OTOGL: variants seen among roughly 807,000 people sequenced by gnomAD.
OTOGL encodes otogelin-like protein.
OTOGL carries 285 observed loss-of-function variants against 318.5 expected under a neutral mutation model. The ratio of observed to expected loss-of-function variants is 0.89; its 90% CI spans 0.81 to 0.99. OTOGL has a LOEUF of 0.99. OTOGL is among the 50% of genes least tolerant of loss of function. The pLI, the probability that OTOGL is intolerant of heterozygous loss-of-function variation, is 0.00. For synonymous variants in OTOGL, 987 were observed against 936.5 expected (o/e 1.05, Z -0.99); for missense variants, 2,899 against 2,845.6 (o/e 1.02, Z -0.43).
intron 44 of OTOGL, among the ~76,000 whole-genome samples, chr12:80,347,671 G>T (rs537338721): frequency 2.0e-5 from 3 of 152,004 alleles, no homozygotes; most frequent in African/African-American, 7.2e-5. Flanking sequence ...TGGTATTTCT[G>T]GTTCTAGATC....
intron 1 of OTOGL, among the ~76,000 whole-genome samples, chr12:80,154,674 T>C (rs550478349): frequency 8.3e-4 from 126 of 152,338 alleles, no homozygotes; most frequent in Non-Finnish European, 1.6e-3. Flanking sequence ...ATATACTATA[T>C]TAATTCATTC....
chr12:80,282,382 G>C (rs1406256040), intron 26 of OTOGL, among the ~76,000 whole-genome samples: 1 of 151,772 alleles, frequency 6.6e-6, no homozygotes, highest in Non-Finnish European at 1.5e-5. Context: ...CTTAAGGAAG[G>C]TTCTTGCTTA....
Position 80,328,738 on chromosome 12 carries a change from C to T in OTOGL, c.4273C>T (p.Arg1425Ter), listed in dbSNP as rs564117765. ...GGTCACCCTCAAGTGTGTTTATCCA[C>T]GAGACTGTAAGTGTGAACGTTGCTT... ...DEVTLKCVYP[R>*]DCIPVIPTEP... Residue 1425 changes from arginine (R) to a stop codon, truncating the protein, a stop_gained, in exon 36 of 59, where the codon CGA (arginine) becomes TGA (stop). Transcript: ENST00000547103. LOFTEE classifies it high-confidence loss of function. 5.0e-6 allele frequency: 8 copies of T among 1,594,066 alleles called. No homozygotes were observed. Among genetic ancestry groups the T allele is most frequent in the African/African-American group, 2.7e-5 (2 of 74,400 alleles).
chr12:80,239,472 T>A (rs757330366), intron 11 of OTOGL, 33 bp downstream of exon 11: 1 of 1,458,676 alleles, frequency 6.9e-7, no homozygotes, highest in Non-Finnish European at 9.3e-7. Flanking sequence ...GTAATAAAAT[T>A]TTCTTTATGC....
At chr12:80,171,556 C>T (rs1874207365) in intron 1 of OTOGL, among the ~76,000 whole-genome samples, 1 of 152,098 alleles carries the variant, frequency 6.6e-6, no homozygotes, top group South Asian at 2.1e-4. Flanking sequence ...TAATACCATA[C>T]TGTTTTGATC....
chr12:80,364,766 T>C (rs1231493734), intron 52 of OTOGL, among the ~76,000 whole-genome samples: 1 of 152,140 alleles, frequency 6.6e-6, no homozygotes, highest in Non-Finnish European at 1.5e-5. Flanking sequence ...TTGTTGTTAA[T>C]AATATTCCAT....
intron 11 of OTOGL, among the ~76,000 whole-genome samples, chr12:80,250,096 C>T (rs12302203): frequency 0.046 from 6,966 of 152,046 alleles, 543 homozygotes; most frequent in African/African-American, 0.16. Context: ...CCCGGTACCT[C>T]AGATGGAAAT....
intron 1 of OTOGL, among the ~76,000 whole-genome samples, chr12:80,155,515 A>G (rs956699525): frequency 3.3e-5 from 5 of 152,184 alleles, no homozygotes; most frequent in African/African-American, 1.2e-4. Context: ...ATTGCAAGAG[A>G]TAGGGTACAT....
At chr12:80,278,920 A>G (rs1884005426) in intron 25 of OTOGL, 108 bp from the exon 26 acceptor site, 1 of 1,285,556 alleles carries the variant, frequency 7.8e-7, no homozygotes, top group Admixed American at 1.9e-5. Context: ...CGTAAGGGAT[A>G]TTGACTCATG....
In OTOGL at chr12:80,112,705, C is replaced by CTTTTTTTTTTT. The variant is rs546093754; in HGVS notation, c.-20+13103_-20+13104insTTTTTTTTTTT. On this transcript the variant is annotated intron_variant, in intron 1 of 58. Transcript: ENST00000547103. ...ATTAGGGATATTTGCCTGAAATTTTCTTTCTTTTTTTTTTTTTTGTTGTGT... is the reference window on the plus strand; with the variant it reads ...ATTAGGGATATTTGCCTGAAATTTTCTTTTTTTTTTTTTTCTTTTTTTTTTTTTTGTTGTGT... Among the ~76,000 whole-genome samples the CTTTTTTTTTTT allele has an allele frequency of 1.1e-4, 14 of 128,660 alleles. 1 individual carries two copies. Among genetic ancestry groups the CTTTTTTTTTTT allele is most frequent in the Non-Finnish European group, 1.8e-4 (11 of 61,200 alleles). The allele number at this position is 128,660 out of a possible 152,430, so 84.4% of individuals were successfully genotyped here. A position where few individuals can be genotyped will look rare whatever the true frequency, so the allele number is the denominator to read the frequency against.
Position 80,377,158 on chromosome 12 carries a change from A to G in OTOGL, c.6817A>G (p.Ile2273Val). ...AGAAAGAATATGCCAGAAAGTGATC[A>G]TTAAATCGGTCATAAGGAAACAGGA... Reference protein sequence around the residue: ...REERICQKVIIKSVIRKQDCM... With the variant: ...REERICQKVIVKSVIRKQDCM... Residue 2273 changes from isoleucine to valine, a missense_variant, in exon 58 of 59, where the codon ATT becomes GTT. This residue lies in a region of OTOGL where 289 missense variants were observed against 304.6 expected (regional missense o/e 0.95). Coordinates refer to ENST00000547103, the MANE Select transcript of OTOGL (RefSeq NM_001378609.3). The G allele has an allele frequency of 6.2e-7, 1 of 1,610,242 alleles. No homozygotes were observed. Among genetic ancestry groups the G allele is most frequent in the East Asian group, 2.2e-5 (1 of 44,704 alleles).
intron 26 of OTOGL, among the ~76,000 whole-genome samples, chr12:80,290,670 A>G (rs1167606038): frequency 6.6e-6 from 1 of 152,136 alleles, no homozygotes; most frequent in East Asian, 1.9e-4. Flanking sequence ...CATTTTGTAT[A>G]TGGAAAAAAT....
Position 80,265,925 on chromosome 12 carries a change from T to A in OTOGL, c.2225-526T>A, listed in dbSNP as rs184807206. 3.3e-3 allele frequency: 503 copies of A among 152,744 alleles called. 3 individuals are homozygous for A. The highest frequency in any genetic ancestry group is 0.014 in the Middle Eastern group (4 of 292). 9.5% of individuals were successfully genotyped at this position (152,744 alleles called of 1,614,324 possible). A position where few individuals can be genotyped will look rare whatever the true frequency, so the allele number is the denominator to read the frequency against. On this transcript the variant is annotated intron_variant, in intron 20 of 58. Transcript: ENST00000547103. Reference sequence around the variant, plus strand: ...TCATATACCAAATTTGTTTAAGATATCAACCTAGGATTTTAATTTCTTAGA... The same window carrying A: ...TCATATACCAAATTTGTTTAAGATAACAACCTAGGATTTTAATTTCTTAGA...
chr12:80,257,984 A>G lies in OTOGL; in HGVS notation c.1871A>G (p.Asn624Ser), dbSNP rs750590177. Reference protein sequence around the residue: ...TLGLCGTFNGNIRDDFLSPSG... With the variant: ...TLGLCGTFNGSIRDDFLSPSG... ...GGTCTGTGTGGCACTTTTAATGGCA[A>G]CATAAGGGATGATTTTCTGTAAGTA... Residue 624 changes from asparagine to serine, a missense_variant, in exon 18 of 59, where the codon AAC (asparagine) becomes AGC (serine). By Grantham distance (46) the Asn-to-Ser change is conservative. This residue lies in a region of OTOGL where 2,607 missense variants were observed against 2,524.9 expected (regional missense o/e 1.03). Transcript: ENST00000547103. 7.6e-6 allele frequency: 12 copies of G among 1,584,454 alleles called. No homozygotes were observed. The highest frequency in any genetic ancestry group is 7.2e-5 in the Admixed American group (4 of 55,558).
Position 80,339,187 on chromosome 12 carries a change from G to T in OTOGL, c.4973G>T (p.Trp1658Leu). ...ACTCCAGCTGGACTAATCATAAAGT[G>T]GTCTCATCTTACAGGAATCATAGAC... is the stretch of plus-strand genomic sequence containing the variant. ...ITTPAGLIIK[W>L]SHLTGIIDIH... Residue 1658 changes from tryptophan to leucine, a missense_variant, in exon 43 of 59, where the codon TGG (tryptophan) becomes TTG (leucine). Coordinates refer to ENST00000547103, the MANE Select transcript of OTOGL (RefSeq NM_001378609.3). The T allele has an allele frequency of 6.2e-7, 1 of 1,611,150 alleles. No individual in the cohort carries two copies. The highest frequency in any genetic ancestry group is 8.5e-7 in the Non-Finnish European group (1 of 1,178,058).
At chr12:80,342,909 T>C (rs750475439) in intron 44 of OTOGL, among the ~76,000 whole-genome samples, 4 of 152,168 alleles carry the variant, frequency 2.6e-5, no homozygotes, top group Non-Finnish European at 2.9e-5. Context: ...TTTGAGACAG[T>C]CTCACTTGGT....
chr12:80,156,598 C>T (rs1039108503), intron 1 of OTOGL, among the ~76,000 whole-genome samples: 1 of 152,174 alleles, frequency 6.6e-6, no homozygotes, highest in African/African-American at 2.4e-5. Flanking sequence ...CTTTCCCATG[C>T]TGTTCTAGTG....
At chr12:80,144,934 T>A (rs1352571415) in intron 1 of OTOGL, among the ~76,000 whole-genome samples, 1 of 151,392 alleles carries the variant, frequency 6.6e-6, no homozygotes, top group Non-Finnish European at 1.5e-5. Context: ...TTGTTTGAGT[T>A]CATTGTAGAT....
chr12:80,199,880 A>G (rs1030606916), intron 1 of OTOGL, among the ~76,000 whole-genome samples: 12 of 152,186 alleles, frequency 7.9e-5, no homozygotes, highest in East Asian at 5.8e-4. Flanking sequence ...ATGAATCTCA[A>G]TTGCTTACAG....
Sources: gnomAD v4.1 joint callset for allele counts (sites outside exome capture counted in the v4.1 genomes callset) on GRCh38, gnomAD v4.1.1 for gene constraint, gnomAD v4.1.1 regional missense constraint, MANE v1.5 for transcripts, NCBI Gene and HGNC (gene_info 2026-07-23, HGNC 2026-07-21) for gene names.